The following FAM135B variants were observed in gnomAD, a reference collection of about 807,000 sequenced individuals.
FAM135B encodes the protein family with sequence similarity 135 member B.
A neutral mutation model predicts 127.7 loss-of-function variants in FAM135B; 43 were observed. That is an observed-to-expected ratio of 0.34 (90% CI 0.26 to 0.43). The LOEUF is 0.43. Ranked by LOEUF, FAM135B falls within the 20% of genes least tolerant of loss-of-function variation. The pLI is 1.00. For missense variants in FAM135B, 1,558 were observed against 1,725.6 expected, an observed-to-expected ratio of 0.90 and a Z score of 1.72; for synonymous variants, 670 against 665.1, an observed-to-expected ratio of 1.01 and a Z score of -0.11.
chr8:138,272,286 T>C (rs1001444067), intron 3 of FAM135B, among the ~76,000 whole-genome samples: 1 of 152,168 alleles, frequency 6.6e-6, no homozygotes, highest in African/African-American at 2.4e-5. Flanking sequence ...AATCCACCAA[T>C]CAATTTATTA....
intron 1 of FAM135B, among the ~76,000 whole-genome samples, chr8:138,425,027 C>T (rs1020085660): frequency 2.0e-5 from 3 of 152,178 alleles, no homozygotes; most frequent in African/African-American, 7.2e-5. Flanking sequence ...ATATGTCTGT[C>T]ACAAATTCAT....
chr8:138,459,113 A>C (rs2131610997), intron 1 of FAM135B: 1 of 152,382 alleles, frequency 6.6e-6, no homozygotes, highest in South Asian at 2.1e-4. Context: ...GTACCTCTAT[A>C]ACTTTGTGAT....
chr8:138,486,696 G>A (rs1302947539), intron 1 of FAM135B, among the ~76,000 whole-genome samples: 1 of 152,170 alleles, frequency 6.6e-6, no homozygotes, highest in Non-Finnish European at 1.5e-5. Context: ...ATCCATGGCT[G>A]TCCTCTCCCT....
chr8:138,357,051 T>A (rs1830133811), intron 2 of FAM135B, among the ~76,000 whole-genome samples: 1 of 152,250 alleles, frequency 6.6e-6, no homozygotes, highest in East Asian at 1.9e-4. Context: ...AATATGAATC[T>A]TCATGAACAT....
chr8:138,249,325 T>A (rs1306637292), intron 6 of FAM135B, among the ~76,000 whole-genome samples: 1 of 152,224 alleles, frequency 6.6e-6, no homozygotes, highest in Non-Finnish European at 1.5e-5. Flanking sequence ...CCTTTGTTTC[T>A]ATAACTGTGA....
At chr8:138,199,163 G>A (rs144332298) in intron 7 of FAM135B, among the ~76,000 whole-genome samples, 22 of 152,264 alleles carry the variant, frequency 1.4e-4, no homozygotes, top group East Asian at 5.8e-4. Flanking sequence ...GTCGACACAC[G>A]TCTGTACATC....
chr8:138,370,948 T>G (rs1057395374), intron 1 of FAM135B, among the ~76,000 whole-genome samples: 4 of 152,178 alleles, frequency 2.6e-5, no homozygotes, highest in Non-Finnish European at 5.9e-5. Flanking sequence ...AACACTGTGT[T>G]ATGAAAACCA....
At chr8:138,491,608 T>C (rs961437419) in intron 1 of FAM135B, among the ~76,000 whole-genome samples, 12 of 148,878 alleles carry the variant, frequency 8.1e-5, no homozygotes, top group Admixed American at 2.6e-4. Context: ...CGTTCACTCA[T>C]TCATTCATTC....
chr8:138,412,293 C>T (rs554753723), intron 1 of FAM135B, among the ~76,000 whole-genome samples: 4 of 152,324 alleles, frequency 2.6e-5, no homozygotes, highest in East Asian at 1.9e-4. Flanking sequence ...CCCCAGGCAA[C>T]ACATTAATTG....
intron 1 of FAM135B, among the ~76,000 whole-genome samples, chr8:138,379,107 A>G (rs965838228): frequency 8.5e-5 from 13 of 152,206 alleles, no homozygotes; most frequent in African/African-American, 3.1e-4. Context: ...ACTGAAACAC[A>G]TGCACACAAA....
intron 1 of FAM135B, among the ~76,000 whole-genome samples, chr8:138,475,445 T>G (rs946750674): frequency 1.3e-5 from 2 of 152,154 alleles, no homozygotes; most frequent in Non-Finnish European, 2.9e-5. Context: ...GGCACTATAT[T>G]GCCAGCTCTC....
intron 4 of FAM135B, among the ~76,000 whole-genome samples, chr8:138,261,125 G>GC (rs1291053859): frequency 6.7e-6 from 1 of 149,540 alleles, no homozygotes; most frequent in Non-Finnish European, 1.5e-5. Flanking sequence ...AATCAACTCA[G>GC]CCCCCTTTCT....
rs1214225902 is a variant in FAM135B at position 138,143,064 on chromosome 8, C to T, written c.3586G>A (p.Asp1196Asn). 2 of 1,611,206 alleles carry T rather than the reference C, an allele frequency of 1.2e-6. No individual in the cohort carries two copies. Among genetic ancestry groups the T allele is most frequent in the East Asian group, 4.5e-5 (2 of 44,856 alleles). ...AACTGAATGTGTTGAATGATTTCAT[C>T]CAATAACCGATCCGTCATAGTATCA... Reference protein sequence around the residue: ...DFDTMTDRLLDEIIQHIQLYN... With the variant: ...DFDTMTDRLLNEIIQHIQLYN... Residue 1196 changes from aspartate to asparagine, a missense_variant, in exon 16 of 20, where the codon GAT becomes AAT. Physicochemically the swap from Asp to Asn is conservative, Grantham distance 23. Transcript: ENST00000395297.
At chr8:138,452,217 C>A (rs1417859932) in intron 1 of FAM135B, among the ~76,000 whole-genome samples, 2 of 150,220 alleles carry the variant, frequency 1.3e-5, no homozygotes, top group East Asian at 3.9e-4. Context: ...GCAACCTCCA[C>A]CTCCCAGACT....
intron 1 of FAM135B, among the ~76,000 whole-genome samples, chr8:138,465,117 C>G (rs1242890305): frequency 6.6e-6 from 1 of 152,136 alleles, no homozygotes; most frequent in African/African-American, 2.4e-5. Flanking sequence ...ATACACAAAC[C>G]AAGCCGGGCT....
intron 1 of FAM135B, among the ~76,000 whole-genome samples, chr8:138,381,045 A>G (rs767067999): frequency 5.1e-4 from 77 of 152,234 alleles, no homozygotes; most frequent in Admixed American, 7.8e-4. Context: ...TCTGAGAGAA[A>G]AACCATGACC....
chr8:138,233,431 CA>C (rs1820045843), intron 7 of FAM135B, among the ~76,000 whole-genome samples: 1 of 152,078 alleles, frequency 6.6e-6, no homozygotes, highest in African/African-American at 2.4e-5. Flanking sequence ...GCTGCCTCCG[CA>C]ACAAATGATG....
At chr8:138,245,354 T>G (rs1346301365) in intron 6 of FAM135B, among the ~76,000 whole-genome samples, 2 of 152,152 alleles carry the variant, frequency 1.3e-5, no homozygotes, top group African/African-American at 4.8e-5. Flanking sequence ...GAATTGTAGT[T>G]TTTGTAATAC....
At chr8:138,196,692 C>T (rs1041590866) in intron 8 of FAM135B, among the ~76,000 whole-genome samples, 1 of 152,104 alleles carries the variant, frequency 6.6e-6, no homozygotes, top group Non-Finnish European at 1.5e-5. Context: ...TGGGTGTTAT[C>T]GTTGAAAAGC....
Sources: gnomAD v4.1 joint callset for allele counts (sites outside exome capture counted in the v4.1 genomes callset) on GRCh38, gnomAD v4.1.1 for gene constraint, MANE v1.5 for transcripts, NCBI Gene and HGNC (gene_info 2026-07-23, HGNC 2026-07-21) for gene names.